NFIB: variants seen among roughly 807,000 people sequenced by gnomAD.
The protein encoded by NFIB is nuclear factor I B.
Under a neutral mutation model 61.5 loss-of-function variants are expected in NFIB, and 11 were observed. That is an observed-to-expected ratio of 0.18 (90% CI 0.11 to 0.30). The LOEUF (loss-of-function observed/expected upper bound fraction) is 0.30, where lower values mean the gene tolerates loss of function less well. Among genes scored for constraint, NFIB ranks in the 10% least tolerant of loss-of-function variants. NFIB has a pLI of 1.00. For synonymous variants in NFIB, 260 were observed against 216.5 expected (o/e 1.20, Z -1.76); for missense variants, 471 against 608.9 (o/e 0.77, Z 2.38).
chr9:14,234,663 A>G (rs2053558153), intron 2 of NFIB, among the ~76,000 whole-genome samples: 1 of 100,770 alleles, frequency 9.9e-6, no homozygotes, highest in African/African-American at 4.5e-5. Context: ...CACTTGGTCT[A>G]CTCTTTTTTT....
chr9:14,511,002 C>A, the NFIB span, among the ~76,000 whole-genome samples: 1 of 152,074 alleles, frequency 6.6e-6, no homozygotes, highest in African/African-American at 2.4e-5. Context: ...ATTTGTGTCC[C>A]ACATTAGGGA....
intron 1 of NFIB, among the ~76,000 whole-genome samples, chr9:14,308,768 A>G (rs1243325816): frequency 6.6e-6 from 1 of 152,218 alleles, no homozygotes; most frequent in Non-Finnish European, 1.5e-5. Context: ...GTTTACCTTT[A>G]GGCTCCTGCA....
At chr9:14,314,264 G>T, upstream of NFIB, 1 of 604,352 alleles carries the variant, frequency 1.7e-6, no homozygotes. Flanking sequence ...GAAGAGGCTC[G>T]CGGCGCGTGG....
intron 1 of NFIB, among the ~76,000 whole-genome samples, chr9:14,335,512 C>G (rs761280083): frequency 2.6e-5 from 4 of 152,128 alleles, no homozygotes; most frequent in African/African-American, 4.8e-5. Flanking sequence ...GTATTCAAAA[C>G]TTTTTGCCCA....
chr9:14,433,417 A>C, the NFIB span, among the ~76,000 whole-genome samples: 13 of 152,206 alleles, frequency 8.5e-5, no homozygotes, highest in African/African-American at 2.9e-4. Context: ...ATGATGCAGG[A>C]AAGTTAAATT....
chr9:14,181,279 G>C (rs1318198354), intron 2 of NFIB, among the ~76,000 whole-genome samples: 2 of 152,102 alleles, frequency 1.3e-5, no homozygotes, highest in East Asian at 3.9e-4. Flanking sequence ...GATTTCATGA[G>C]ATCTTGGCAG....
chr9:14,497,468 C>T, the NFIB span, among the ~76,000 whole-genome samples: 1 of 152,208 alleles, frequency 6.6e-6, no homozygotes, highest in Admixed American at 6.5e-5. Context: ...ATTTTGGGTC[C>T]TATAGTTGAG....
chr9:14,272,023 T>C (rs901851411), intron 2 of NFIB, among the ~76,000 whole-genome samples: 1 of 152,204 alleles, frequency 6.6e-6, no homozygotes, highest in Non-Finnish European at 1.5e-5. Flanking sequence ...AAGACTAGTA[T>C]TTTTAAAAGG....
the NFIB span, among the ~76,000 whole-genome samples, chr9:14,472,753 A>G: frequency 6.6e-6 from 1 of 152,150 alleles, no homozygotes; most frequent in Non-Finnish European, 1.5e-5. Flanking sequence ...AGGCAGGAGA[A>G]TGGCGTGAAC....
chr9:14,261,450 G>A (rs2056745608), intron 2 of NFIB, among the ~76,000 whole-genome samples: 3 of 152,238 alleles, frequency 2.0e-5, no homozygotes, highest in Admixed American at 2.0e-4. Context: ...ATAAGGCAGT[G>A]TAGTTGAGTC....
At chr9:14,327,249 G>A (rs1188881082) in intron 1 of NFIB, among the ~76,000 whole-genome samples, 2 of 152,114 alleles carry the variant, frequency 1.3e-5, no homozygotes, top group African/African-American at 4.8e-5. Flanking sequence ...GCTCAGTGAG[G>A]CCACATTCAA....
intron 3 of NFIB, among the ~76,000 whole-genome samples, chr9:14,171,646 A>G (rs12377502): frequency 0.12 from 17,571 of 152,230 alleles, 1,282 homozygotes; most frequent in East Asian, 0.37. Context: ...AACCAAGGGT[A>G]TCTAGATAGG....
chr9:14,182,333 C>G (rs1008951727), intron 2 of NFIB, among the ~76,000 whole-genome samples: 1 of 152,168 alleles, frequency 6.6e-6, no homozygotes, highest in Non-Finnish European at 1.5e-5. Flanking sequence ...CCCATACCTT[C>G]TCATGAAATA....
At chr9:14,309,139 AC>A (rs1445272416) in intron 1 of NFIB, among the ~76,000 whole-genome samples, 1 of 152,258 alleles carries the variant, frequency 6.6e-6, no homozygotes, top group African/African-American at 2.4e-5. Context: ...ACCCTGAACT[AC>A]GTGGAATAAA....
chr9:14,389,590 T>C (rs1034186499), intron 1 of NFIB, among the ~76,000 whole-genome samples: 1 of 152,146 alleles, frequency 6.6e-6, no homozygotes, highest in African/African-American at 2.4e-5. Flanking sequence ...TTACAGCAAA[T>C]TGGTAAAACA....
At position 14,084,444 on chromosome 9, in the gene NFIB, T is replaced by C. The variant is rs370049076; in HGVS notation, c.*3865A>G. On this transcript the variant is annotated 3_prime_UTR_variant, in exon 11 of 11. Transcript: ENST00000380953. ...TTTAATGGAGCTGCCCACCCGAACATTACCCGATAACTATATTGCTATAAT... is the reference window on the plus strand; with the variant it reads ...TTTAATGGAGCTGCCCACCCGAACACTACCCGATAACTATATTGCTATAAT... 5 of 225,212 alleles carry C rather than the reference T, an allele frequency of 2.2e-5. No individual in the cohort carries two copies. Among genetic ancestry groups the C allele is most frequent in the Non-Finnish European group, 3.5e-5 (4 of 112,782 alleles). The allele number at this position is 225,212 out of a possible 1,614,324, so 14.0% of individuals were successfully genotyped here.
At chr9:14,206,698 A>C (rs2049771688) in intron 2 of NFIB, among the ~76,000 whole-genome samples, 2 of 92,650 alleles carry the variant, frequency 2.2e-5, no homozygotes, top group Non-Finnish European at 4.4e-5. Context: ...TGCTTTACAA[A>C]AAAAAAAAAA....
Position 14,307,667 on chromosome 9 carries a change from T to A in NFIB, c.31-147A>T. 1 of 848,070 alleles carries A rather than the reference T, an allele frequency of 1.2e-6. No individual in the cohort carries two copies. Among genetic ancestry groups the A allele is most frequent in the Non-Finnish European group, 1.7e-6 (1 of 584,672 alleles). 52.5% of individuals were successfully genotyped at this position (848,070 alleles called of 1,614,324 possible). On this transcript the variant is annotated intron_variant, in intron 1 of 10. Transcript: ENST00000380953. The surrounding 1 kb of genome is among the most constrained non-coding windows in gnomAD (Gnocchi z 5.3). ...ATAACATTCCTTTCTTATTTAAAAT[T>A]ATCAAAATAACAGGACAAGAAGAAA... is the stretch of plus-strand genomic sequence containing the variant.
chr9:14,247,906 C>T (rs1248417637), intron 2 of NFIB, among the ~76,000 whole-genome samples: 1 of 151,532 alleles, frequency 6.6e-6, no homozygotes, highest in African/African-American at 2.4e-5. Flanking sequence ...GTGTTGTCTA[C>T]ACAGTATCTA....
Sources: allele counts gnomAD v4.1 joint callset (sites outside exome capture counted in the v4.1 genomes callset), GRCh38; gene constraint gnomAD v4.1.1; non-coding constraint Gnocchi (gnomAD v3.1); transcripts MANE v1.5; gene names NCBI Gene and HGNC (gene_info 2026-07-23, HGNC 2026-07-21).